GALNT18: variants seen among roughly 807,000 people sequenced by gnomAD.
The protein encoded by GALNT18 is GalNAc-transferase 18.
GALNT18 carries 44 observed loss-of-function variants against 69.5 expected under a neutral mutation model. The observed-to-expected ratio is 0.63, with a 90% CI of 0.50 to 0.81. GALNT18 has a LOEUF of 0.81. Ranked by LOEUF, GALNT18 falls within the 40% of genes least tolerant of loss-of-function variation. The probability of loss-of-function intolerance (pLI) is 0.00; values close to 1 mark genes in which losing one functional copy is unlikely to be tolerated. For missense variants in GALNT18, 715 were observed against 810.0 expected (o/e 0.88, Z 1.42); for synonymous variants, 364 against 318.2 (o/e 1.14, Z -1.53).
At chr11:11,441,399 C>G (rs1307333605) in intron 2 of GALNT18, among the ~76,000 whole-genome samples, 1 of 152,166 alleles carries the variant, frequency 6.6e-6, no homozygotes, top group Admixed American at 6.5e-5. Flanking sequence ...CCATAGACCT[C>G]TGGGTCTCCT....
At chr11:11,535,286 AC>A (rs1857750173) in intron 1 of GALNT18, among the ~76,000 whole-genome samples, 1 of 152,188 alleles carries the variant, frequency 6.6e-6, no homozygotes, top group Admixed American at 6.5e-5. Flanking sequence ...AGACATGGTG[AC>A]CCCTGGTTCT....
rs370595452 is a variant in GALNT18, at chr11:11,430,225, TTTTG to T, written c.595+2392_595+2395del. ...TGAACCAGAATCTCCTAGGAGAGCT[TTTTG>T]TTTGTTTTAACTTAATATTTTGAAG... On this transcript the variant is annotated intron_variant, in intron 3 of 10. Transcript: ENST00000227756. The surrounding 1 kb of genome is among the most constrained non-coding windows in gnomAD (Gnocchi z 4.9). Among the ~76,000 whole-genome samples the T allele has an allele frequency of 3.0e-3, 451 of 152,338 alleles. 3 individuals carry two copies. The highest frequency in any genetic ancestry group is 0.01 in the African/African-American group (423 of 41,574).
chr11:11,290,686 C>G (rs371092027), intron 10 of GALNT18, among the ~76,000 whole-genome samples: 1 of 152,210 alleles, frequency 6.6e-6, no homozygotes, highest in Admixed American at 6.5e-5. Context: ...AGTACATTGT[C>G]TCCTGAGAAA....
intron 3 of GALNT18, among the ~76,000 whole-genome samples, chr11:11,427,853 C>T (rs1855168251): frequency 1.3e-5 from 2 of 152,222 alleles, no homozygotes; most frequent in Admixed American, 6.5e-5. Context: ...GATTCCCCCA[C>T]CTCATCCCCA....
At chr11:11,565,964 C>T (rs911467449) in intron 1 of GALNT18, among the ~76,000 whole-genome samples, 2 of 152,178 alleles carry the variant, frequency 1.3e-5, no homozygotes, top group African/African-American at 2.4e-5. Flanking sequence ...CACCTAAATA[C>T]TCATGTCACT....
chr11:11,353,413 T>G (rs1003416293), intron 6 of GALNT18: 32 of 523,668 alleles, frequency 6.1e-5, no homozygotes, highest in Non-Finnish European at 9.1e-5. Context: ...GAGCCCTTTT[T>G]GGGGGTTAAG....
chr11:11,559,977 GAATGAGATATGATGGGATGGT>G, intron 1 of GALNT18, among the ~76,000 whole-genome samples: 2 of 151,966 alleles, frequency 1.3e-5, no homozygotes, highest in South Asian at 2.1e-4. Flanking sequence ...CGATGGAACA[GAATGAGATATGATGGGATGGT>G]GTGGAATAGA....
intron 10 of GALNT18, among the ~76,000 whole-genome samples, chr11:11,280,070 C>A (rs2132983515): frequency 6.6e-6 from 1 of 152,174 alleles, no homozygotes; most frequent in East Asian, 1.9e-4. Flanking sequence ...CCCAGCCGAT[C>A]ACACAAACCT....
intron 6 of GALNT18, among the ~76,000 whole-genome samples, chr11:11,364,866 G>T (rs1850726877): frequency 6.6e-6 from 1 of 152,176 alleles, no homozygotes; most frequent in Non-Finnish European, 1.5e-5. Context: ...TTAGGTGGGG[G>T]ATTAGGCAGA....
chr11:11,501,053 G>GAGAC (rs1464089032), intron 1 of GALNT18, among the ~76,000 whole-genome samples: 1 of 152,210 alleles, frequency 6.6e-6, no homozygotes, highest in East Asian at 1.9e-4. Context: ...CAGCACCTCT[G>GAGAC]AGACGCCCTC....
chr11:11,367,208 C>A (rs1387507919), intron 6 of GALNT18, among the ~76,000 whole-genome samples: 4 of 152,134 alleles, frequency 2.6e-5, no homozygotes, highest in African/African-American at 7.2e-5. Context: ...AAGGGGCAAG[C>A]TGGCACTAGG....
chr11:11,276,345 ATAGGAATGCTTGT>A (rs1208974439), intron 10 of GALNT18, among the ~76,000 whole-genome samples: 42 of 152,206 alleles, frequency 2.8e-4, no homozygotes, highest in African/African-American at 9.9e-4. Flanking sequence ...TTATTGGTGT[ATAGGAATGCTTGT>A]GATTTTTGCA....
intron 6 of GALNT18, among the ~76,000 whole-genome samples, chr11:11,354,926 C>T (rs1233812371): frequency 1.3e-5 from 2 of 152,144 alleles, no homozygotes; most frequent in East Asian, 3.8e-4. Flanking sequence ...TCTTCTTCCT[C>T]CCTCTCCACA....
At chr11:11,414,201 C>T (rs546285669) in intron 3 of GALNT18, among the ~76,000 whole-genome samples, 4 of 152,346 alleles carry the variant, frequency 2.6e-5, no homozygotes, top group Admixed American at 1.3e-4. Flanking sequence ...TTTCCTGTGG[C>T]TACTCTTACC....
intron 1 of GALNT18, among the ~76,000 whole-genome samples, chr11:11,501,460 G>C (rs1359400078): frequency 1.3e-5 from 2 of 152,130 alleles, no homozygotes; most frequent in African/African-American, 2.4e-5. Flanking sequence ...TGTTTATTAA[G>C]GCATCAGAGG....
intron 1 of GALNT18, among the ~76,000 whole-genome samples, chr11:11,514,927 C>T (rs1018453890): frequency 2.6e-5 from 4 of 152,150 alleles, no homozygotes; most frequent in African/African-American, 4.8e-5. Flanking sequence ...TGGACCGAAA[C>T]CAAGAGACAA....
At chr11:11,609,546 C>T (rs534265380) in intron 1 of GALNT18, among the ~76,000 whole-genome samples, 4 of 152,314 alleles carry the variant, frequency 2.6e-5, no homozygotes, top group East Asian at 1.9e-4. Context: ...GCTCAATAAA[C>T]GCTTGTTCAG....
chr11:11,348,068 C>T (rs575016018), intron 6 of GALNT18, among the ~76,000 whole-genome samples: 16 of 109,888 alleles, frequency 1.5e-4, no homozygotes, highest in African/African-American at 4.2e-4. Flanking sequence ...TATCCTGGCT[C>T]TGCATGGGAA....
At chr11:11,280,585 C>T (rs1590001844) in intron 10 of GALNT18, among the ~76,000 whole-genome samples, 1 of 152,182 alleles carries the variant, frequency 6.6e-6, no homozygotes, top group Non-Finnish European at 1.5e-5. Context: ...CCTGCGTCTC[C>T]CAGTTTTTCC....
Sources: gnomAD v4.1 joint callset for allele counts (sites outside exome capture counted in the v4.1 genomes callset) on GRCh38, gnomAD v4.1.1 for gene constraint, Gnocchi (gnomAD v3.1) non-coding constraint, MANE v1.5 for transcripts, NCBI Gene and HGNC (gene_info 2026-07-23, HGNC 2026-07-21) for gene names.